The following EBF2 variants were observed in gnomAD, a reference collection of about 807,000 sequenced individuals.
EBF2 encodes EBF transcription factor 2.
A neutral mutation model predicts 72.8 loss-of-function variants in EBF2; 21 were observed. The observed-to-expected ratio is 0.29, with a 90% CI of 0.20 to 0.42. EBF2 has a LOEUF of 0.42. Ranked by LOEUF, EBF2 falls within the 10% of genes least tolerant of loss-of-function variation. EBF2 has a pLI of 1.00. For synonymous variants in EBF2, 299 were observed against 274.2 expected, an observed-to-expected ratio of 1.09 and a Z score of -0.89; for missense variants, 637 against 731.2, an observed-to-expected ratio of 0.87 and a Z score of 1.49.
At chr8:25,962,083 G>A (rs536417627) in intron 6 of EBF2, among the ~76,000 whole-genome samples, 6 of 152,264 alleles carry the variant, frequency 3.9e-5, no homozygotes, top group African/African-American at 1.4e-4. Flanking sequence ...GGCCAGGGAG[G>A]AACGTGCATT....
intron 6 of EBF2, among the ~76,000 whole-genome samples, chr8:26,015,735 C>T (rs1805100617): frequency 6.6e-6 from 1 of 152,220 alleles, no homozygotes; most frequent in African/African-American, 2.4e-5. Flanking sequence ...TCTTCACAAA[C>T]TCCTGGTGAC....
At chr8:25,979,634 G>T (rs1804326512) in intron 6 of EBF2, among the ~76,000 whole-genome samples, 1 of 152,100 alleles carries the variant, frequency 6.6e-6, no homozygotes, top group South Asian at 2.1e-4. Flanking sequence ...AATTCCAAAA[G>T]TCACCTTCTC....
intron 10 of EBF2, among the ~76,000 whole-genome samples, chr8:25,884,009 A>C (rs1351844514): frequency 6.6e-6 from 1 of 152,048 alleles, no homozygotes; most frequent in South Asian, 2.1e-4. Flanking sequence ...CTTCTCCACC[A>C]TATCATGGTG....
chr8:25,991,844 C>T (rs1044479896), intron 6 of EBF2, among the ~76,000 whole-genome samples: 1 of 151,708 alleles, frequency 6.6e-6, no homozygotes, highest in Admixed American at 6.6e-5. Context: ...GAGACTCTGT[C>T]TCAAAAAAAT....
At chr8:25,988,314 G>A (rs1473386290) in intron 6 of EBF2, among the ~76,000 whole-genome samples, 2 of 152,186 alleles carry the variant, frequency 1.3e-5, no homozygotes, top group Non-Finnish European at 2.9e-5. Context: ...AGCCATTAGT[G>A]AGCCCCTACT....
chr8:25,954,769 C>T (rs535044564), intron 6 of EBF2, among the ~76,000 whole-genome samples: 54 of 152,294 alleles, frequency 3.5e-4, no homozygotes, highest in African/African-American at 1.3e-3. Flanking sequence ...CCTCGCGGCT[C>T]CCCAAGCCTG....
intron 10 of EBF2, among the ~76,000 whole-genome samples, chr8:25,881,394 T>G (rs1315750302): frequency 1.3e-5 from 2 of 152,164 alleles, no homozygotes; most frequent in Non-Finnish European, 2.9e-5. Flanking sequence ...CTATTCTAAA[T>G]CCTCCCCATC....
intron 6 of EBF2, among the ~76,000 whole-genome samples, chr8:25,909,350 T>G (rs1803089158): frequency 6.6e-6 from 1 of 152,008 alleles, no homozygotes; most frequent in African/African-American, 2.4e-5. Context: ...TGTTTGAAAA[T>G]TTGTTTCAAA....
At position 25,924,984 on chromosome 8, in the gene EBF2, C is replaced by T. The variant is rs115280170; in HGVS notation, c.552-16429G>A. The stretch of plus-strand genomic sequence containing the variant: ...ACACAGGACTGAGCCTTTTCCCAGA[C>T]CTGTTTTTGGGGGCTTTGGAATCAC... On this transcript the variant is annotated intron_variant, in intron 6 of 15. Coordinates refer to ENST00000520164, the MANE Select transcript of EBF2 (RefSeq NM_022659.4). 1.7e-3 allele frequency among the ~76,000 whole-genome samples: 264 copies of T among 152,246 alleles called. 2 individuals carry two copies. The highest frequency in any genetic ancestry group is 6.2e-3 in the African/African-American group (256 of 41,558).
At chr8:25,943,170 T>C (rs2117159418) in intron 6 of EBF2, among the ~76,000 whole-genome samples, 1 of 151,908 alleles carries the variant, frequency 6.6e-6, no homozygotes, top group South Asian at 2.1e-4. Flanking sequence ...AGTTGAAACA[T>C]CTCATTTAAA....
At chr8:25,849,260 TAG>T (rs952865397) in intron 15 of EBF2, among the ~76,000 whole-genome samples, 2 of 152,210 alleles carry the variant, frequency 1.3e-5, no homozygotes, top group African/African-American at 4.8e-5. Context: ...AGTTTCTCTG[TAG>T]AGTCACTTGA....
In EBF2 at chr8:26,033,128, C is replaced by G. The variant is rs781310804; in HGVS notation, c.508G>C (p.Gly170Arg). ...CSRCCEKKSC[G>R]NRNETPSDPV... is the part of the protein sequence containing the mutation. ...TCCGATGGAGTCTCATTTCGGTTTC[C>G]ACAGCTTTTCTTTTCGCAGCATCGA... The change falls in exon 6 of 16, where the codon GGA becomes CGA. Residue 170 changes from glycine to arginine, a missense_variant. Physicochemically the swap from Gly to Arg is moderately radical, Grantham distance 125. Around this residue, in one of 3 missense-constraint regions of EBF2, gnomAD observed 204 missense variants for 301.2 expected, o/e 0.68. Transcript: ENST00000520164. The G allele has an allele frequency of 6.2e-7, 1 of 1,614,092 alleles. No individual in the cohort carries two copies. The highest frequency in any genetic ancestry group is 8.5e-7 in the Non-Finnish European group (1 of 1,179,992).
intron 7 of EBF2, among the ~76,000 whole-genome samples, chr8:25,906,446 G>T (rs1434849266): frequency 6.6e-6 from 1 of 152,058 alleles, no homozygotes; most frequent in Non-Finnish European, 1.5e-5. Context: ...CCCCAAGAAG[G>T]CTGGTTTTAT....
intron 6 of EBF2, among the ~76,000 whole-genome samples, chr8:25,983,184 A>G (rs1804391605): frequency 6.6e-6 from 1 of 152,112 alleles, no homozygotes; most frequent in Admixed American, 6.5e-5. Context: ...ACATTATGTC[A>G]TATCTACCCA....
At chr8:25,933,383 A>C (rs1400687312) in intron 6 of EBF2, among the ~76,000 whole-genome samples, 1 of 152,216 alleles carries the variant, frequency 6.6e-6, no homozygotes, top group Non-Finnish European at 1.5e-5. Context: ...TCTACGGAAA[A>C]GGGACCGTAG....
intron 6 of EBF2, among the ~76,000 whole-genome samples, chr8:25,983,132 C>T (rs907750396): frequency 6.6e-6 from 1 of 152,186 alleles, no homozygotes; most frequent in Middle Eastern, 3.4e-3. Flanking sequence ...AAGTTAAAGA[C>T]GGAACTCCCA....
Position 25,860,588 on chromosome 8 carries a change from G to C in EBF2, c.1342+461C>G, listed in dbSNP as rs555546869. Among the ~76,000 whole-genome samples, 4 of 151,138 alleles carry C rather than the reference G, an allele frequency of 2.6e-5. No homozygotes were observed. The South Asian group carries it at 8.4e-4, about 32-fold the overall frequency. ...CTCGGCTCATTTGCAGTGTGCCAGCGCACCCCACTGCTCACTGCAGCCTCG... is the reference window on the plus strand; with the variant it reads ...CTCGGCTCATTTGCAGTGTGCCAGCCCACCCCACTGCTCACTGCAGCCTCG... On this transcript the variant is annotated intron_variant, in intron 13 of 15. Coordinates refer to ENST00000520164, the MANE Select transcript of EBF2 (RefSeq NM_022659.4).
chr8:25,967,817 C>T (rs541779857), intron 6 of EBF2, among the ~76,000 whole-genome samples: 47 of 152,272 alleles, frequency 3.1e-4, no homozygotes, highest in African/African-American at 1.1e-3. Flanking sequence ...GGGCAAATTT[C>T]TTAATCTCTC....
chr8:25,919,262 C>G (rs1039566548), intron 6 of EBF2, among the ~76,000 whole-genome samples: 1 of 152,104 alleles, frequency 6.6e-6, no homozygotes, highest in African/African-American at 2.4e-5. Context: ...TTAGAAAATT[C>G]AGAGCAGGGT....
Sources: gnomAD v4.1 joint callset for allele counts (sites outside exome capture counted in the v4.1 genomes callset) on GRCh38, gnomAD v4.1.1 for gene constraint, gnomAD v4.1.1 regional missense constraint, MANE v1.5 for transcripts, NCBI Gene and HGNC (gene_info 2026-07-23, HGNC 2026-07-21) for gene names.